Variants in NDRG3 observed in about 807,000 individuals in gnomAD.
NDRG3 encodes protein NDRG3.
Under a neutral mutation model 57.2 loss-of-function variants are expected in NDRG3, and 23 were observed. The ratio of observed to expected loss-of-function variants is 0.40; its 90% confidence interval spans 0.29 to 0.57. The LOEUF (loss-of-function observed/expected upper bound fraction) is 0.57. NDRG3 is among the 20% of genes least tolerant of loss of function. The pLI is 0.42. For missense variants in NDRG3, 384 were observed against 457.3 expected, an observed-to-expected ratio of 0.84 and a Z score of 1.46; for synonymous variants, 132 against 162.6, an observed-to-expected ratio of 0.81 and a Z score of 1.43.
chr20:36,706,361 G>A (rs917569453), intron 3 of NDRG3, among the ~76,000 whole-genome samples: 1 of 152,080 alleles, frequency 6.6e-6, no homozygotes, highest in African/African-American at 2.4e-5. Context: ...CCCTCCATTT[G>A]CCACCTATGA....
intron 3 of NDRG3, among the ~76,000 whole-genome samples, chr20:36,691,447 C>T (rs1322621969): frequency 6.6e-6 from 1 of 152,222 alleles, no homozygotes; most frequent in Non-Finnish European, 1.5e-5. Flanking sequence ...GGCGCGGTGG[C>T]TCATGCCTGT....
chr20:36,669,456 T>G (rs1178535809), intron 9 of NDRG3, among the ~76,000 whole-genome samples: 3 of 151,788 alleles, frequency 2.0e-5, no homozygotes, highest in Non-Finnish European at 4.4e-5. Flanking sequence ...GGTCTTGAAC[T>G]CCTGACCTCG....
intron 3 of NDRG3, chr20:36,700,403 G>A (rs1188195626): frequency 1.9e-6 from 1 of 516,752 alleles, no homozygotes; most frequent in Non-Finnish European, 3.9e-6. Flanking sequence ...ATGCTTAGCA[G>A]AATAAAAAAC....
chr20:36,670,276 C>T (rs964016320), intron 9 of NDRG3, among the ~76,000 whole-genome samples: 1 of 151,958 alleles, frequency 6.6e-6, no homozygotes, highest in Non-Finnish European at 1.5e-5. Context: ...TAAGTATTAC[C>T]TCAATTAAAG....
rs1568681702 is a variant in NDRG3, at chr20:36,746,085, G to GCA, written c.-90_-89insTG. ...CCGCCGTCAGTGCAGCAGCAGCGGC[G>GCA]GCGGCGGCGGCGGCGGCGGCGGCGG... On this transcript the variant is annotated 5_prime_UTR_variant, in exon 1 of 16. Coordinates refer to ENST00000349004, the MANE Select transcript of NDRG3 (RefSeq NM_032013.4). 32 of 22,374 alleles carry GCA rather than the reference G, an allele frequency of 1.4e-3. No homozygotes were observed. The highest frequency in any genetic ancestry group is 1.9e-3 in the African/African-American group (4 of 2,140). 1.4% of individuals were successfully genotyped at this position (22,374 alleles called of 1,614,324 possible). A position where few individuals can be genotyped will look rare whatever the true frequency, so the allele number is the denominator to read the frequency against.
At chr20:36,738,148 C>G (rs994450080) in intron 1 of NDRG3, among the ~76,000 whole-genome samples, 1 of 152,036 alleles carries the variant, frequency 6.6e-6, no homozygotes, top group African/African-American at 2.4e-5. Flanking sequence ...TTGTACCTAC[C>G]TGGGGGTATT....
Position 36,746,068 on chromosome 20 carries a change from A to G in NDRG3, c.-72T>C, listed in dbSNP as rs1986179073. Reference sequence around the variant, plus strand: ...ACCTGAGGCGCGGGCACCCGCCGTCAGTGCAGCAGCAGCGGCGGCGGCGGC... The same window carrying G: ...ACCTGAGGCGCGGGCACCCGCCGTCGGTGCAGCAGCAGCGGCGGCGGCGGC... On this transcript the variant is annotated 5_prime_UTR_variant, in exon 1 of 16. Transcript: ENST00000349004. 3.0e-6 allele frequency: 1 copy of G among 329,986 alleles called. No homozygotes were observed. The highest frequency in any genetic ancestry group is 5.3e-6 in the Non-Finnish European group (1 of 190,212). The allele number at this position is 329,986 out of a possible 1,614,324, so 20.4% of individuals were successfully genotyped here.
At chr20:36,672,796 T>C (rs1403359262) in intron 8 of NDRG3, among the ~76,000 whole-genome samples, 1 of 149,294 alleles carries the variant, frequency 6.7e-6, no homozygotes, top group African/African-American at 2.5e-5. Context: ...GCCACTGCAC[T>C]CCGCCCTGGG....
Position 36,688,830 on chromosome 20 carries a change from C to T in NDRG3, c.94-46G>A, listed in dbSNP as rs753097017. The T allele has an allele frequency of 5.6e-6, 8 of 1,440,614 alleles. No homozygotes were observed. The African/African-American group carries it at 8.4e-5, about 15-fold the overall frequency. The allele number at this position is 1,440,614 out of a possible 1,614,324, so 89.2% of individuals were successfully genotyped here. On this transcript the variant is annotated intron_variant, in intron 3 of 15. Transcript: ENST00000349004. ...TTCTCAGAAAAAGCAGAATGAACTT[C>T]CCAGGTTGCCAAAGTTTCACAATAC...
In NDRG3 at chr20:36,734,145, T is replaced by C. The variant is rs185191608; in HGVS notation, c.-49+11900A>G. ...GAGGCCAAGGCAGGCGGATCACCTT[T>C]GCAGTGAGCTGAGATCGTGCCATTG... On this transcript the variant is annotated intron_variant, in intron 1 of 15. Transcript: ENST00000349004. Among the ~76,000 whole-genome samples, 662 of 151,916 alleles carry C rather than the reference T, an allele frequency of 4.4e-3. 7 individuals carry two copies. The highest frequency in any genetic ancestry group is 0.015 in the African/African-American group (628 of 41,384).
chr20:36,693,415 T>C (rs910106596), intron 3 of NDRG3, among the ~76,000 whole-genome samples: 4 of 151,264 alleles, frequency 2.6e-5, no homozygotes, highest in African/African-American at 9.7e-5. Context: ...AATAACCTAC[T>C]ATTGACCAGA....
chr20:36,669,268 G>A (rs1034298951), intron 9 of NDRG3, among the ~76,000 whole-genome samples: 32 of 145,200 alleles, frequency 2.2e-4, no homozygotes, highest in African/African-American at 7.7e-4. Flanking sequence ...TTGCTCTGTC[G>A]CCCAGAGCTG....
chr20:36,661,027 A>G (rs1482171420), intron 12 of NDRG3, among the ~76,000 whole-genome samples: 1 of 152,198 alleles, frequency 6.6e-6, no homozygotes, highest in African/African-American at 2.4e-5. Flanking sequence ...TACTTCTTTG[A>G]GAAATGGACT....
intron 2 of NDRG3, among the ~76,000 whole-genome samples, chr20:36,715,006 GTATA>G (rs545495779): frequency 0.066 from 1,718 of 26,172 alleles, 16 homozygotes; most frequent in Non-Finnish European, 0.073. Flanking sequence ...GTGTGTGTGT[GTATA>G]TATATATATA....
intron 15 of NDRG3, among the ~76,000 whole-genome samples, chr20:36,656,048 C>T (rs1403119159): frequency 1.3e-5 from 2 of 149,566 alleles, no homozygotes; most frequent in Admixed American, 6.8e-5. Context: ...GCAGGAGAAT[C>T]GCTTGAACCC....
At chr20:36,702,965 T>G (rs1302969138) in intron 3 of NDRG3, among the ~76,000 whole-genome samples, 79 of 151,994 alleles carry the variant, frequency 5.2e-4, no homozygotes, top group Admixed American at 5.2e-3. Context: ...ATTACAGTTG[T>G]GAGCCACCAG....
chr20:36,723,005 A>G (rs2425261), intron 1 of NDRG3, among the ~76,000 whole-genome samples: 136,715 of 152,202 alleles, frequency 0.9, 61,911 homozygotes, highest in African/African-American at 0.98. Flanking sequence ...ACTTGCCAGC[A>G]CCAACCTGCT....
intron 3 of NDRG3, among the ~76,000 whole-genome samples, chr20:36,694,307 A>G (rs550423905): frequency 6.6e-6 from 1 of 152,328 alleles, no homozygotes; most frequent in Non-Finnish European, 1.5e-5. Flanking sequence ...AAATGTTTCT[A>G]TACAGTACCA....
At chr20:36,684,130 G>A (rs1346353587) in intron 6 of NDRG3, among the ~76,000 whole-genome samples, 1 of 152,224 alleles carries the variant, frequency 6.6e-6, no homozygotes, top group Non-Finnish European at 1.5e-5. Flanking sequence ...GCTCAAGGTA[G>A]ATTTTTAAAT....
Sources: gnomAD v4.1 joint callset for allele counts (sites outside exome capture counted in the v4.1 genomes callset) on GRCh38, gnomAD v4.1.1 for gene constraint, MANE v1.5 for transcripts, NCBI Gene and HGNC (gene_info 2026-07-23, HGNC 2026-07-21) for gene names.